Variants in ZBTB38 observed in about 807,000 individuals in gnomAD.
ZBTB38 encodes the protein zinc finger and BTB domain containing 38.
A neutral mutation model predicts 76.8 loss-of-function variants in ZBTB38; 20 were observed. The observed-to-expected ratio is 0.26, with a 90% CI of 0.18 to 0.38. The LOEUF (loss-of-function observed/expected upper bound fraction) is 0.38, where lower values mean the gene tolerates loss of function less well. Ranked by LOEUF, ZBTB38 falls within the 10% of genes least tolerant of loss-of-function variation. ZBTB38 has a pLI of 1.00. For synonymous variants in ZBTB38, 504 were observed against 544.2 expected, an observed-to-expected ratio of 0.93 and a Z score of 1.03; for missense variants, 1,082 against 1,482.3, an observed-to-expected ratio of 0.73 and a Z score of 4.43.
Position 141,339,317 on chromosome 3 carries a change from G to A in ZBTB38, c.-739+14861G>A, listed in dbSNP as rs544504669. 4.6e-5 allele frequency among the ~76,000 whole-genome samples: 7 copies of A among 152,316 alleles called. No homozygotes were observed. In the South Asian group the frequency reaches 1.4e-3, roughly 32 times the overall value. ...CATGCCACTCCACCAGCAACTCCAC[G>A]GGTTGATTCTGAATGTGATAGGAAG... On this transcript the variant is annotated intron_variant, in intron 1 of 7. Coordinates refer to the ZBTB38 transcript ENST00000509842.
rs184887375 is a variant in ZBTB38, at chr3:141,429,230, C to T, written c.1-13159C>T. 5.9e-4 allele frequency among the ~76,000 whole-genome samples: 89 copies of T among 151,768 alleles called. No homozygotes were observed. The South Asian group carries it at 0.017, about 29-fold the overall frequency. ...GGATCGTGAGTACAGGGGAAGGCGG[C>T]AGGTTGCCTTTTGGGGGATGGTGAG... On this transcript the variant is annotated intron_variant, in intron 5 of 5. Transcript: ENST00000321464.
intron 1 of ZBTB38, among the ~76,000 whole-genome samples, chr3:141,363,325 A>C (rs1228787861): frequency 1.3e-5 from 2 of 152,252 alleles, no homozygotes; most frequent in African/African-American, 4.8e-5. Flanking sequence ...TACTCCCAAA[A>C]TTGATCTGCA....
chr3:141,407,340 GTT>G (rs1024907463), intron 5 of ZBTB38, among the ~76,000 whole-genome samples: 6 of 152,170 alleles, frequency 3.9e-5, no homozygotes, highest in Non-Finnish European at 8.8e-5. Context: ...CTTTAGAAGA[GTT>G]TCTCTCTAAG....
rs180755027 is a variant in ZBTB38, at chr3:141,429,188, G to T, written c.1-13201G>T. Among the ~76,000 whole-genome samples, 726 of 152,306 alleles carry T rather than the reference G, an allele frequency of 4.8e-3. 2 individuals carry two copies. Among genetic ancestry groups the T allele is most frequent in the Middle Eastern group, 0.01 (3 of 294 alleles). On this transcript the variant is annotated intron_variant, in intron 5 of 5. Transcript: ENST00000321464. ...TTGAGGGCCGTGGAAAAGTCAAAAA[G>T]CAGAGCAGGGCAAGGGGGATCGTGA...
chr3:141,420,148 C>T (rs1325169462), intron 5 of ZBTB38, among the ~76,000 whole-genome samples: 1 of 152,024 alleles, frequency 6.6e-6, no homozygotes, highest in African/African-American at 2.4e-5. Flanking sequence ...CTGAAACAAT[C>T]GCAGGCTGCC....
At chr3:141,414,266 G>A (rs2073393510) in intron 5 of ZBTB38, among the ~76,000 whole-genome samples, 1 of 152,170 alleles carries the variant, frequency 6.6e-6, no homozygotes, top group South Asian at 2.1e-4. Context: ...TGATGAGAGC[G>A]TCTGCAGGCC....
At chr3:141,352,773 G>A (rs548299247) in intron 1 of ZBTB38, among the ~76,000 whole-genome samples, 10 of 151,930 alleles carry the variant, frequency 6.6e-5, no homozygotes, top group Non-Finnish European at 7.4e-5. Context: ...GAGTGGCCCC[G>A]CTGAGCTGGG....
chr3:141,446,097 ACTC>A lies in ZBTB38; in HGVS notation c.*122_*124del. On this transcript the variant is annotated 3_prime_UTR_variant, in exon 6 of 6. Transcript: ENST00000321464. ...AGGAGTGAAATTAAAAAAAAAAAAA[ACTC>A]ATTTGTGAAAATTCCAGAAAAAGGA... 10 of 890,180 alleles carry A rather than the reference ACTC, an allele frequency of 1.1e-5. No homozygotes were observed. Among genetic ancestry groups the A allele is most frequent in the Non-Finnish European group, 1.6e-5 (10 of 643,024 alleles). The allele number at this position is 890,180 out of a possible 1,614,324, so 55.1% of individuals were successfully genotyped here.
intron 5 of ZBTB38, among the ~76,000 whole-genome samples, chr3:141,408,954 A>G (rs754767939): frequency 5.3e-5 from 8 of 152,226 alleles, no homozygotes; most frequent in Non-Finnish European, 7.3e-5. Context: ...TATCTCAGCC[A>G]TCTTTTAGAA....
upstream of ZBTB38, among the ~76,000 whole-genome samples, chr3:141,363,688 CTCTT>C (rs1488710919): frequency 6.6e-6 from 1 of 151,962 alleles, no homozygotes; most frequent in Non-Finnish European, 1.5e-5. Context: ...TTTAAATAAA[CTCTT>C]TATTTTAGAA....
chr3:141,384,342 T>A (rs1303670922), intron 3 of ZBTB38, among the ~76,000 whole-genome samples: 1 of 152,242 alleles, frequency 6.6e-6, no homozygotes, highest in Non-Finnish European at 1.5e-5. Flanking sequence ...TAATATGGAT[T>A]ACTGTTGTTG....
In ZBTB38 at chr3:141,438,702, A is replaced by T. The variant is rs554390914; in HGVS notation, c.1-3687A>T. Among the ~76,000 whole-genome samples the T allele has an allele frequency of 4.3e-4, 66 of 152,080 alleles. 1 individual carries two copies. The highest frequency in any genetic ancestry group is 1.4e-3 in the African/African-American group (58 of 41,482). Reference sequence around the variant, plus strand: ...ACTGCAGGCTGCGTGATTTTTTTTTAAAAAAGCTCAAATTTCATTATAACT... The same window carrying T: ...ACTGCAGGCTGCGTGATTTTTTTTTTAAAAAGCTCAAATTTCATTATAACT... On this transcript the variant is annotated intron_variant, in intron 5 of 5. Transcript: ENST00000321464.
At chr3:141,382,723 TG>T (rs1302827204) in intron 3 of ZBTB38, among the ~76,000 whole-genome samples, 6 of 152,210 alleles carry the variant, frequency 3.9e-5, no homozygotes, top group Admixed American at 3.3e-4. Flanking sequence ...TTCCACCTGC[TG>T]GGCCCAGCCT....
intron 1 of ZBTB38, among the ~76,000 whole-genome samples, chr3:141,328,259 C>A (rs1942735143): frequency 6.6e-6 from 1 of 152,132 alleles, no homozygotes; most frequent in African/African-American, 2.4e-5. Context: ...ATTTTTCTGT[C>A]CTCAGCCTCA....
At position 141,445,580 on chromosome 3, in the gene ZBTB38, G is replaced by A. The variant is rs771843341; in HGVS notation, c.3192G>A (p.Lys1064=). The A allele has an allele frequency of 1.2e-5, 19 of 1,614,116 alleles. No individual in the cohort carries two copies. Among genetic ancestry groups the A allele is most frequent in the Non-Finnish European group, 1.5e-5 (18 of 1,180,050 alleles). Residue 1064 remains lysine (K), a synonymous_variant, in exon 6 of 6, where the codon AAG becomes AAA. Coordinates refer to ENST00000321464, the MANE Select transcript of ZBTB38 (RefSeq NM_001376113.1). This position sits in a 1 kb window ranked among gnomAD's most constrained non-coding sequence, Gnocchi z 6.5. ...QKHERIHLGL[K]EFVCQYCNKA... is the part of the protein sequence containing the mutation. ...ATGAACGCATCCACCTGGGCTTGAAGGAGTTCGTCTGTCAGTATTGCAACA... is the reference window on the plus strand; with the variant it reads ...ATGAACGCATCCACCTGGGCTTGAAAGAGTTCGTCTGTCAGTATTGCAACA...
Position 141,330,155 on chromosome 3 carries a change from C to CACT in ZBTB38, c.-739+5700_-739+5702dup, listed in dbSNP as rs1318375491. ...TTCCTTCCTCTGGAGTCATGATGGG[C>CACT]ACTGGGAGGTGTACGTGTCCAGTGT... On this transcript the variant is annotated intron_variant, in intron 1 of 7. Transcript: ENST00000509842. 2.6e-4 allele frequency among the ~76,000 whole-genome samples: 40 copies of CACT among 152,228 alleles called. No individual in the cohort carries two copies. The East Asian group carries it at 4.0e-3, about 15-fold the overall frequency.
In ZBTB38 at chr3:141,351,208, C is replaced by G. The variant is rs1326824873; in HGVS notation, c.-738-17413C>G. ...GAGAACTGACATTACTGTTATTTGA[C>G]TTGAGAAGTAATTGACCAGTTGCTT... On this transcript the variant is annotated intron_variant, in intron 1 of 7. Transcript: ENST00000509842. 2.6e-5 allele frequency among the ~76,000 whole-genome samples: 4 copies of G among 152,096 alleles called. No homozygotes were observed. The East Asian group carries it at 7.7e-4, about 29-fold the overall frequency.
chr3:141,392,968 C>G (rs181623553), intron 4 of ZBTB38: 8 of 152,348 alleles, frequency 5.3e-5, no homozygotes, highest in African/African-American at 1.9e-4. Flanking sequence ...GAAAATTGCT[C>G]TTTTGATCTC....
intron 2 of ZBTB38, among the ~76,000 whole-genome samples, chr3:141,378,318 G>A (rs1341282941): frequency 1.3e-5 from 2 of 152,154 alleles, no homozygotes; most frequent in East Asian, 1.9e-4. Context: ...CATCACTCCA[G>A]CCTGCACATG....
Sources: allele counts gnomAD v4.1 joint callset (sites outside exome capture counted in the v4.1 genomes callset), GRCh38; gene constraint gnomAD v4.1.1; non-coding constraint Gnocchi (gnomAD v3.1); transcripts MANE v1.5; gene names NCBI Gene and HGNC (gene_info 2026-07-23, HGNC 2026-07-21).